The following LARGE1 variants were observed in gnomAD, a reference collection of about 807,000 sequenced individuals.
The protein encoded by LARGE1 is xylosyl- and glucuronyltransferase LARGE1.
Under a neutral mutation model 87.6 loss-of-function variants are expected in LARGE1, and 43 were observed. The ratio of observed to expected loss-of-function variants is 0.49; its 90% CI spans 0.38 to 0.63. The LOEUF is 0.63. LARGE1 is among the 30% of genes least tolerant of loss of function. The probability of loss-of-function intolerance (pLI) is 0.00; values close to 1 mark genes in which losing one functional copy is unlikely to be tolerated. For synonymous variants in LARGE1, 434 were observed against 394.6 expected (o/e 1.10, Z -1.18); for missense variants, 802 against 1,000.2 (o/e 0.80, Z 2.67).
the LARGE1 span, among the ~76,000 whole-genome samples, chr22:33,126,632 C>T: frequency 2.6e-5 from 4 of 152,194 alleles, no homozygotes; most frequent in South Asian, 8.3e-4. Flanking sequence ...TTCACCTTCT[C>T]TGCAACTCAA....
chr22:33,416,569 G>A (rs1212192072), intron 7 of LARGE1, among the ~76,000 whole-genome samples: 2 of 152,054 alleles, frequency 1.3e-5, no homozygotes, highest in African/African-American at 2.4e-5. Context: ...GGGCGGGGGA[G>A]GCAATGGTGG....
intron 12 of LARGE1, among the ~76,000 whole-genome samples, chr22:33,290,837 G>A (rs574325391): frequency 1.1e-4 from 16 of 152,244 alleles, no homozygotes; most frequent in African/African-American, 3.4e-4. Flanking sequence ...TCAGGAGTTC[G>A]AGACCAGCCT....
chr22:33,659,785 T>C (rs1468215100), intron 2 of LARGE1, among the ~76,000 whole-genome samples: 1 of 150,160 alleles, frequency 6.7e-6, no homozygotes, highest in African/African-American at 2.4e-5. Flanking sequence ...CACTAGCTTC[T>C]AAAAAGAATT....
At chr22:33,360,713 A>G (rs2064357636) in intron 9 of LARGE1, among the ~76,000 whole-genome samples, 1 of 149,642 alleles carries the variant, frequency 6.7e-6, no homozygotes, top group Admixed American at 6.6e-5. Flanking sequence ...TATCAAGGTC[A>G]TTAGTGGGAG....
In LARGE1 at chr22:33,594,904, G is replaced by A. The variant is rs138648871; in HGVS notation, c.615+9531C>T. On this transcript the variant is annotated intron_variant, in intron 5 of 14. Transcript: ENST00000397394. ...TTACAGGCTTGAGCCACCATACCCC[G>A]CTGAAGTTGTTTCTTAACAGAAGTT... Among the ~76,000 whole-genome samples the A allele has an allele frequency of 6.2e-3, 949 of 152,246 alleles. 7 individuals carry two copies. The highest frequency in any genetic ancestry group is 0.022 in the African/African-American group (917 of 41,532).
chr22:33,623,760 G>A lies in LARGE1; in HGVS notation c.491+2484C>T, dbSNP rs961317335. Among the ~76,000 whole-genome samples, 12 of 152,108 alleles carry A rather than the reference G, an allele frequency of 7.9e-5. No individual in the cohort carries two copies. In the East Asian group the frequency reaches 1.9e-3, roughly 24 times the overall value. The stretch of plus-strand genomic sequence containing the variant: ...TAAAGAGTTAAAATGGCTGGGGGCG[G>A]TGGCTCACACCTGTAATCCCAGCAC... On this transcript the variant is annotated intron_variant, in intron 4 of 14. Coordinates refer to ENST00000397394, the MANE Select transcript of LARGE1 (RefSeq NM_133642.5).
At chr22:33,565,429 T>G (rs572345776) in intron 5 of LARGE1, among the ~76,000 whole-genome samples, 1 of 152,390 alleles carries the variant, frequency 6.6e-6, no homozygotes, top group South Asian at 2.1e-4. Flanking sequence ...GTACGTATAT[T>G]TCTTTAAATC....
chr22:33,791,095 C>T (rs1310748819), intron 1 of LARGE1, among the ~76,000 whole-genome samples: 2 of 152,068 alleles, frequency 1.3e-5, no homozygotes, highest in Non-Finnish European at 2.9e-5. Context: ...AAAGAAAAGC[C>T]TTCTAAATGA....
At chr22:33,691,263 A>C (rs1182926859) in intron 2 of LARGE1, among the ~76,000 whole-genome samples, 1 of 150,054 alleles carries the variant, frequency 6.7e-6, no homozygotes, top group Non-Finnish European at 1.5e-5. Context: ...ATTTTGAGGG[A>C]GGGAGGAGAG....
At chr22:33,593,416 T>A (rs961244442) in intron 5 of LARGE1, among the ~76,000 whole-genome samples, 4 of 152,196 alleles carry the variant, frequency 2.6e-5, no homozygotes, top group Non-Finnish European at 5.9e-5. Context: ...ATGAGAGAAC[T>A]TGGTTGGTAT....
the LARGE1 span, among the ~76,000 whole-genome samples, chr22:33,151,619 C>T: frequency 6.6e-6 from 1 of 152,048 alleles, no homozygotes; most frequent in Admixed American, 6.6e-5. Context: ...GAAGTTCAAG[C>T]TATTCTTAGT....
intron 9 of LARGE1, among the ~76,000 whole-genome samples, chr22:33,373,972 C>CAA (rs35830988): frequency 0.11 from 6,651 of 58,448 alleles, 906 homozygotes; most frequent in African/African-American, 0.26. Context: ...GACTCCGTCT[C>CAA]AAAAAAAAAA....
At chr22:33,519,517 T>G (rs2899209) in intron 6 of LARGE1, among the ~76,000 whole-genome samples, 1 of 151,862 alleles carries the variant, frequency 6.6e-6, no homozygotes, top group Admixed American at 6.6e-5. Context: ...GCCCCTGCAC[T>G]GGCTCCCGAA....
chr22:33,639,455 A>T (rs2080364716), intron 3 of LARGE1, among the ~76,000 whole-genome samples: 1 of 152,146 alleles, frequency 6.6e-6, no homozygotes, highest in African/African-American at 2.4e-5. Context: ...ACCAGTGGAG[A>T]AGTTGAATAT....
the LARGE1 span, among the ~76,000 whole-genome samples, chr22:33,127,120 G>A: frequency 6.6e-6 from 1 of 152,186 alleles, no homozygotes; most frequent in Non-Finnish European, 1.5e-5. Context: ...CCATTTGAGA[G>A]AACAGATTTT....
At chr22:33,513,812 T>TATACACAC (rs2071163296) in intron 6 of LARGE1, among the ~76,000 whole-genome samples, 1 of 143,180 alleles carries the variant, frequency 7.0e-6, no homozygotes, top group African/African-American at 2.6e-5. Context: ...AGAGCTGATG[T>TATACACAC]ACACACACAC....
intron 11 of LARGE1, among the ~76,000 whole-genome samples, chr22:33,306,501 G>A (rs13054454): frequency 1.3e-5 from 2 of 152,140 alleles, no homozygotes; most frequent in Non-Finnish European, 2.9e-5. Context: ...CTGTGTCTCA[G>A]TTTTCCAAGA....
chr22:33,649,623 C>A (rs914941931), intron 3 of LARGE1, among the ~76,000 whole-genome samples: 8 of 152,186 alleles, frequency 5.3e-5, no homozygotes, highest in African/African-American at 1.9e-4. Flanking sequence ...GTACTCTCTG[C>A]ATAAATCACT....
rs1435830611 is a variant in LARGE1 at position 33,201,388 on chromosome 22, AAAG to A, written c.1731-34559_1731-34557del. On this transcript the variant is annotated intron_variant, in intron 11 of 11. Transcript: ENST00000608642. ...AGAGGAAGGAAGGAAGAAAGAAAGG[AAAG>A]AAGGAGAGAAGGAAGAAAAAGAAGG... is the stretch of plus-strand genomic sequence containing the variant. Among the ~76,000 whole-genome samples, 5 of 151,384 alleles carry A rather than the reference AAAG, an allele frequency of 3.3e-5. No individual in the cohort carries two copies. In the East Asian group the frequency reaches 7.8e-4, roughly 23 times the overall value.
Sources: allele counts gnomAD v4.1 joint callset (sites outside exome capture counted in the v4.1 genomes callset), GRCh38; gene constraint gnomAD v4.1.1; transcripts MANE v1.5; gene names NCBI Gene and HGNC (gene_info 2026-07-23, HGNC 2026-07-21).